PDE2A: variants seen among roughly 807,000 people sequenced by gnomAD.
PDE2A encodes the protein phosphodiesterase 2A, also known as cGMP-dependent 3',5'-cyclic phosphodiesterase.
In PDE2A, 53 loss-of-function variants were observed where a neutral mutation model predicts 133.6. That is an observed-to-expected ratio of 0.40 (90% confidence interval 0.32 to 0.50). The LOEUF (loss-of-function observed/expected upper bound fraction) is 0.50, where lower values mean the gene tolerates loss of function less well. Ranked by LOEUF, PDE2A falls within the 20% of genes least tolerant of loss-of-function variation. PDE2A has a pLI of 0.73. For synonymous variants in PDE2A, 491 were observed against 490.2 expected, an observed-to-expected ratio of 1.00 and a Z score of -0.02; for missense variants, 796 against 1,232.4, an observed-to-expected ratio of 0.65 and a Z score of 5.30.
intron 21 of PDE2A, 89 bp downstream of exon 21, chr11:72,582,355 C>T: frequency 7.6e-7 from 1 of 1,312,178 alleles, no homozygotes; most frequent in South Asian, 1.3e-5. Context: ...ATGACTCTGT[C>T]TTCCCAGGAA....
At position 72,623,234 on chromosome 11, in the gene PDE2A, G is replaced by A. The variant is rs117679424; in HGVS notation, c.145-14483C>T. 4.7e-3 allele frequency among the ~76,000 whole-genome samples: 710 copies of A among 152,010 alleles called. 4 individuals are homozygous for A. Among genetic ancestry groups the A allele is most frequent in the Non-Finnish European group, 6.7e-3 (453 of 67,982 alleles). ...AGTGCCCAGCACAGCACAATCTTCC[G>A]GTTCCCATCTTACCTGTGGGCCAGC... On this transcript the variant is annotated intron_variant, in intron 2 of 30. Transcript: ENST00000334456.
Position 72,577,237 on chromosome 11 carries a change from A to ATAAT in PDE2A, c.*146_*147insATTA. 1 of 612,334 alleles carries ATAAT rather than the reference A, an allele frequency of 1.6e-6. No homozygotes were observed. Among genetic ancestry groups the ATAAT allele is most frequent in the East Asian group, 2.7e-5 (1 of 36,444 alleles). The allele number at this position is 612,334 out of a possible 1,614,324, so 37.9% of individuals were successfully genotyped here. A position where few individuals can be genotyped will look rare whatever the true frequency, so the allele number is the denominator to read the frequency against. On this transcript the variant is annotated 3_prime_UTR_variant, in exon 31 of 31. Coordinates refer to ENST00000334456, the MANE Select transcript of PDE2A (RefSeq NM_002599.5). ...TTCCATTATACAGACGAGAAAGCTGAGGCCCAGGAAGGTAGTACTTGTCCA... is the reference window on the plus strand; with the variant it reads ...TTCCATTATACAGACGAGAAAGCTGATAATGGCCCAGGAAGGTAGTACTTGTCCA...
intron 2 of PDE2A, among the ~76,000 whole-genome samples, chr11:72,626,326 C>A (rs1858063585): frequency 6.6e-6 from 1 of 152,232 alleles, no homozygotes; most frequent in South Asian, 2.1e-4. Flanking sequence ...CAGGTCCCTG[C>A]ACGCCCCGGG....
intron 2 of PDE2A, 146 bp downstream of exon 2, chr11:72,642,108 G>T: frequency 8.4e-7 from 1 of 1,187,560 alleles, no homozygotes; most frequent in Non-Finnish European, 1.1e-6. Context: ...AGGGCTCTTG[G>T]TCTGCGCTGC....
rs1315579144 is a variant in PDE2A, at chr11:72,590,341, G to A, written c.703+86C>T. The A allele has an allele frequency of 1.3e-6, 2 of 1,537,692 alleles. No homozygotes were observed. The highest frequency in any genetic ancestry group is 1.7e-4 in the Middle Eastern group (1 of 5,918). The stretch of plus-strand genomic sequence containing the variant: ...TCAGCTCCGCGCCGGGCCCGCCGCC[G>A]GCTCCCGGGATCGCCTAACCCGCCC... On this transcript the variant is annotated intron_variant, in intron 8 of 30. Transcript: ENST00000334456. The surrounding 1 kb of genome is among the most constrained non-coding windows in gnomAD (Gnocchi z 4.8).
rs1855639042 is a variant in PDE2A, at chr11:72,579,819, C to T, written c.2182-211G>A. 4 of 549,988 alleles carry T rather than the reference C, an allele frequency of 7.3e-6. No individual in the cohort carries two copies. In the South Asian group the frequency reaches 8.2e-5, roughly 11 times the overall value. The allele number at this position is 549,988 out of a possible 1,614,324, so 34.1% of individuals were successfully genotyped here. ...TGAGTCCCTAGACCACTCTGAGCCT[C>T]AGACTCCTCAGCTGTCACATGCAGG... is the stretch of plus-strand genomic sequence containing the variant. On this transcript the variant is annotated intron_variant, in intron 25 of 30. Coordinates refer to ENST00000334456, the MANE Select transcript of PDE2A (RefSeq NM_002599.5).
At chr11:72,654,518 G>T (rs1854838549) in intron 1 of PDE2A, among the ~76,000 whole-genome samples, 1 of 152,160 alleles carries the variant, frequency 6.6e-6, no homozygotes, top group South Asian at 2.1e-4. Context: ...CCCAGAGGGA[G>T]AGTGTGGGGT....
At chr11:72,625,169 A>G (rs553005446) in intron 2 of PDE2A, among the ~76,000 whole-genome samples, 1 of 152,060 alleles carries the variant, frequency 6.6e-6, no homozygotes, top group Non-Finnish European at 1.5e-5. Flanking sequence ...GCCAGCAGGA[A>G]CCCTGGGCCC....
chr11:72,667,274 A>T (rs1855263860), intron 1 of PDE2A, among the ~76,000 whole-genome samples: 1 of 152,168 alleles, frequency 6.6e-6, no homozygotes, highest in East Asian at 1.9e-4. Context: ...CACAAGCAAT[A>T]TCCCCAGCAC....
Position 72,577,390 on chromosome 11 carries a change from A to C in PDE2A, c.2820T>G (p.Ala940=). The change falls in exon 31 of 31, where the codon GCT becomes GCG. Residue 940 remains alanine (A), a synonymous_variant. Coordinates refer to ENST00000334456, the MANE Select transcript of PDE2A (RefSeq NM_002599.5). ...GAAGTGTCCCTGGAGGGGATCACTC[A>C]GCATCAAGGCTGCAGCAGCCATTGA... ...APINGCCSLD[A]E is the part of the protein sequence containing the mutation. 1.2e-6 allele frequency: 2 copies of C among 1,611,542 alleles called. No individual in the cohort carries two copies. Among genetic ancestry groups the C allele is most frequent in the Non-Finnish European group, 1.7e-6 (2 of 1,178,170 alleles).
intron 13 of PDE2A, among the ~76,000 whole-genome samples, chr11:72,586,406 C>T (rs1855976155): frequency 6.6e-6 from 1 of 152,200 alleles, no homozygotes; most frequent in South Asian, 2.1e-4. Flanking sequence ...CAGAGCCATA[C>T]CTCCCGTCTC....
rs764742125 is a variant in PDE2A, at chr11:72,586,127, G to A, written c.1125C>T (p.Thr375=). 1.9e-5 allele frequency: 31 copies of A among 1,613,218 alleles called. No homozygotes were observed. The Middle Eastern group carries it at 6.6e-4, about 34-fold the overall frequency. The change falls in exon 14 of 31, where the codon ACC becomes ACT. Residue 375 remains threonine (T), a synonymous_variant. Transcript: ENST00000334456. ...GGAAGGCCAGGGTGCTGGTGAGCAC[G>A]GTGCTGGTGTAGTGGAAGCAGTGCT... ...VIQHCFHYTS[T]VLTSTLAFQK...
chr11:72,605,264 C>T (rs1313324407), intron 3 of PDE2A, 38 bp from the exon 4 acceptor site: 3 of 1,374,570 alleles, frequency 2.2e-6, no homozygotes, highest in East Asian at 2.4e-5. Context: ...TGTGGAGAGG[C>T]CCTCCCAGCT....
At chr11:72,659,999 A>AC (rs1392604392) in intron 1 of PDE2A, among the ~76,000 whole-genome samples, 1 of 151,930 alleles carries the variant, frequency 6.6e-6, no homozygotes, top group African/African-American at 2.4e-5. Flanking sequence ...TGTTGGAGGC[A>AC]CCCCCACTCC....
chr11:72,578,277 C>T lies in PDE2A; in HGVS notation c.2571G>A (p.Glu857=), dbSNP rs1855555415. ...MMDREKAYIP[E]LQISFMEHIA... is the part of the protein sequence containing the mutation. ...TGTGCTCCATGAAGCTGATTTGCAG[C>T]TCAGGGATATAGGCCTTCTCCCGGT... is the stretch of plus-strand genomic sequence containing the variant. The change falls in exon 30 of 31, where the codon GAG becomes GAA. Residue 857 remains glutamate (E), a synonymous_variant. Transcript: ENST00000334456. The surrounding 1 kb of genome is among the most constrained non-coding windows in gnomAD (Gnocchi z 4.2). The T allele has an allele frequency of 5.6e-6, 9 of 1,613,720 alleles. No individual in the cohort carries two copies. The highest frequency in any genetic ancestry group is 4.4e-5 in the South Asian group (4 of 91,080).
In PDE2A at chr11:72,596,561, C is replaced by T. The variant is rs938177117; in HGVS notation, c.489+32G>A. The T allele has an allele frequency of 4.3e-6, 6 of 1,402,038 alleles. No homozygotes were observed. In the African/African-American group the frequency reaches 8.7e-5, roughly 20 times the overall value. 86.8% of individuals were successfully genotyped at this position (1,402,038 alleles called of 1,614,324 possible). ...ACCACTCCCTCCCATGGTCTCCTCT[C>T]CCTACATCCCACCGCCTAGGCAGGC... On this transcript the variant is annotated intron_variant, in intron 6 of 30. Coordinates refer to ENST00000334456, the MANE Select transcript of PDE2A (RefSeq NM_002599.5).
chr11:72,623,243 C>G (rs1857868499), intron 2 of PDE2A, among the ~76,000 whole-genome samples: 1 of 152,142 alleles, frequency 6.6e-6, no homozygotes, highest in Non-Finnish European at 1.5e-5. Context: ...CGGTTCCCAT[C>G]TTACCTGTGG....
chr11:72,610,011 T>C (rs902678474), intron 2 of PDE2A, among the ~76,000 whole-genome samples: 9 of 151,988 alleles, frequency 5.9e-5, no homozygotes, highest in Non-Finnish European at 1.2e-4. Flanking sequence ...AGTTAGACCA[T>C]CCCCTGTTCA....
chr11:72,617,951 C>A (rs1047419132), intron 2 of PDE2A, among the ~76,000 whole-genome samples: 6 of 152,150 alleles, frequency 3.9e-5, no homozygotes, highest in Non-Finnish European at 1.5e-5. Context: ...CCGTCTGGGG[C>A]ACGCCTGCCC....
Sources: gnomAD v4.1 joint callset for allele counts (sites outside exome capture counted in the v4.1 genomes callset) on GRCh38, gnomAD v4.1.1 for gene constraint, Gnocchi (gnomAD v3.1) non-coding constraint, MANE v1.5 for transcripts, NCBI Gene and HGNC (gene_info 2026-07-23, HGNC 2026-07-21) for gene names.